The following SEMA4D variants were observed in gnomAD, a reference collection of about 807,000 sequenced individuals.
SEMA4D encodes the protein semaphorin-4D.
A neutral mutation model predicts 74.8 loss-of-function variants in SEMA4D; 22 were observed. That is an observed-to-expected ratio of 0.29 (90% CI 0.21 to 0.42). The LOEUF (loss-of-function observed/expected upper bound fraction) is 0.42, where lower values mean the gene tolerates loss of function less well. Among genes scored for constraint, SEMA4D ranks in the 10% least tolerant of loss-of-function variants. The pLI is 1.00. For missense variants in SEMA4D, 937 were observed against 1,118.4 expected (o/e 0.84, Z 2.31); for synonymous variants, 445 against 463.7 (o/e 0.96, Z 0.52).
chr9:89,418,919 G>A (rs893730361), intron 2 of SEMA4D: 2 of 152,206 alleles, frequency 1.3e-5, no homozygotes, highest in Non-Finnish European at 2.9e-5. Flanking sequence ...GAGCTTATAT[G>A]ATCACGGCTC....
intron 3 of SEMA4D, among the ~76,000 whole-genome samples, chr9:89,404,305 C>T (rs1256775393): frequency 6.6e-6 from 1 of 152,172 alleles, no homozygotes; most frequent in African/African-American, 2.4e-5. Flanking sequence ...GGCAGCACGC[C>T]GCGAACATTA....
intron 1 of SEMA4D, among the ~76,000 whole-genome samples, chr9:89,469,798 A>G (rs1859714026): frequency 6.6e-6 from 1 of 152,230 alleles, no homozygotes; most frequent in Non-Finnish European, 1.5e-5. Flanking sequence ...CTCACAGCTA[A>G]CATCATATTT....
chr9:89,464,139 C>T (rs1167019706), intron 1 of SEMA4D, among the ~76,000 whole-genome samples: 7 of 152,092 alleles, frequency 4.6e-5, no homozygotes, highest in Non-Finnish European at 1.0e-4. Context: ...AGAAAACTGC[C>T]ACAAAACCGC....
chr9:89,464,655 C>A (rs1038361205), intron 1 of SEMA4D, among the ~76,000 whole-genome samples: 1 of 152,178 alleles, frequency 6.6e-6, no homozygotes, highest in African/African-American at 2.4e-5. Context: ...GAGTGAAGCA[C>A]CCCCAGGGGA....
At chr9:89,399,209 T>C in intron 5 of SEMA4D, 67 bp downstream of exon 5, 1 of 1,342,830 alleles carries the variant, frequency 7.4e-7, no homozygotes, top group Non-Finnish European at 1.1e-6. Context: ...CATGCTGGCA[T>C]TCAGTAGATT....
intron 1 of SEMA4D, among the ~76,000 whole-genome samples, chr9:89,490,011 G>C (rs933282113): frequency 1.3e-5 from 2 of 150,212 alleles, no homozygotes; most frequent in Non-Finnish European, 3.0e-5. Context: ...ACCTACGCTT[G>C]TTATTTCCCT....
At chr9:89,383,947 T>G (rs1159222084) in intron 13 of SEMA4D, among the ~76,000 whole-genome samples, 1 of 152,102 alleles carries the variant, frequency 6.6e-6, no homozygotes, top group African/African-American at 2.4e-5. Flanking sequence ...CTGTCTCTGC[T>G]GCTGTGTGTG....
rs746032673 is a variant in SEMA4D at position 89,405,467 on chromosome 9, C to G, written c.-11G>C. On this transcript the variant is annotated 5_prime_UTR_variant, in exon 3 of 16. Transcript: ENST00000422704. ...GGTGCACATCCTCATCAGGTAGAGG[C>G]GACCCCAGGGGCTTCAGCAGCAAAG... 4 of 1,612,876 alleles carry G rather than the reference C, an allele frequency of 2.5e-6. No individual in the cohort carries two copies. In the Admixed American group the frequency reaches 6.7e-5, roughly 27 times the overall value.
intron 16 of SEMA4D, among the ~76,000 whole-genome samples, chr9:89,370,476 TGTG>T (rs951366272): frequency 6.8e-6 from 1 of 147,740 alleles, no homozygotes; most frequent in Non-Finnish European, 1.5e-5. Flanking sequence ...GGTTTGTGTG[TGTG>T]GTGTGTATGA....
intron 13 of SEMA4D, chr9:89,385,865 T>TGGGGGGGTGGG: frequency 4.7e-6 from 1 of 213,330 alleles, no homozygotes; most frequent in Non-Finnish European, 8.0e-6. Flanking sequence ...CCAGCGTGGA[T>TGGGGGGGTGGG]GCCCGCCCAC....
At chr9:89,478,482 T>C (rs1862316469) in intron 1 of SEMA4D, among the ~76,000 whole-genome samples, 1 of 152,124 alleles carries the variant, frequency 6.6e-6, no homozygotes, top group Non-Finnish European at 1.5e-5. Context: ...CCTCCAGAAC[T>C]GGGAGAATAA....
At chr9:89,396,914 T>C (rs1841091632) in intron 5 of SEMA4D, 79 bp from the exon 6 acceptor site, 1 of 1,315,196 alleles carries the variant, frequency 7.6e-7, no homozygotes, top group Admixed American at 2.0e-5. Context: ...ACGCCGTTCA[T>C]CTCAGGGGCA....
At chr9:89,393,123 G>GC (rs1387304089) in intron 7 of SEMA4D, among the ~76,000 whole-genome samples, 1 of 152,206 alleles carries the variant, frequency 6.6e-6, no homozygotes, top group African/African-American at 2.4e-5. Context: ...ATGTTCAGCT[G>GC]CATTTTAAGA....
intron 1 of SEMA4D, among the ~76,000 whole-genome samples, chr9:89,480,726 A>G (rs1005145997): frequency 1.3e-5 from 2 of 152,214 alleles, no homozygotes; most frequent in African/African-American, 4.8e-5. Context: ...GGGGCCCACC[A>G]AGCCCACGCC....
At chr9:89,399,473 G>A in intron 4 of SEMA4D, 135 bp from the exon 5 acceptor site, 1 of 685,070 alleles carries the variant, frequency 1.5e-6, no homozygotes, top group Non-Finnish European at 2.5e-6. Flanking sequence ...CAGACTGCAA[G>A]GGAGGTTCAG....
chr9:89,377,775 A>C lies in SEMA4D; in HGVS notation c.*929T>G, dbSNP rs1836056449. The C allele has an allele frequency of 1.3e-5, 2 of 151,540 alleles. No homozygotes were observed. The highest frequency in any genetic ancestry group is 1.5e-5 in the Non-Finnish European group (1 of 67,932). 9.4% of individuals were successfully genotyped at this position (151,540 alleles called of 1,614,324 possible). Reference sequence around the variant, plus strand: ...AGCTGTGGGCTCCAGATTGTACCGCACTCCCATCTCAGCTCTGGGCCAGCC... The same window carrying C: ...AGCTGTGGGCTCCAGATTGTACCGCCCTCCCATCTCAGCTCTGGGCCAGCC... On this transcript the variant is annotated 3_prime_UTR_variant, in exon 16 of 16. Transcript: ENST00000422704.
chr9:89,424,740 C>T (rs1847749725), intron 2 of SEMA4D, among the ~76,000 whole-genome samples: 1 of 152,036 alleles, frequency 6.6e-6, no homozygotes, highest in Non-Finnish European at 1.5e-5. Flanking sequence ...ATACCACCAT[C>T]CCTCCTGTGA....
chr9:89,386,772 A>G, intron 12 of SEMA4D: 1 of 319,384 alleles, frequency 3.1e-6, no homozygotes, highest in South Asian at 3.0e-5. Context: ...ACTTGAGGCT[A>G]AGTGCCACAT....
intron 2 of SEMA4D, among the ~76,000 whole-genome samples, chr9:89,415,566 C>T (rs1226710185): frequency 6.6e-6 from 1 of 152,086 alleles, no homozygotes; most frequent in African/African-American, 2.4e-5. Context: ...AAGTAGTGCC[C>T]CTATAAAAGG....
Sources: gnomAD v4.1 joint callset for allele counts (sites outside exome capture counted in the v4.1 genomes callset) on GRCh38, gnomAD v4.1.1 for gene constraint, MANE v1.5 for transcripts, NCBI Gene and HGNC (gene_info 2026-07-23, HGNC 2026-07-21) for gene names.